KRT76: variants seen among roughly 807,000 people sequenced by gnomAD.
KRT76 encodes the protein keratin 76.
Under a neutral mutation model 44.9 loss-of-function variants are expected in KRT76, and 47 were observed. The ratio of observed to expected loss-of-function variants is 1.05; its 90% confidence interval spans 0.83 to 1.33. The LOEUF (loss-of-function observed/expected upper bound fraction) is 1.33. Ranked by LOEUF, KRT76 falls within the 40% of genes most tolerant of loss-of-function variation. The pLI is 0.00. For missense variants in KRT76, 860 were observed against 775.8 expected (o/e 1.11, Z -1.29); for synonymous variants, 331 against 294.1 (o/e 1.13, Z -1.28).
rs1939192471 is a variant in KRT76, at chr12:52,772,100, C to T, written c.1131G>A (p.Gln377=). ...RSKSEAEALY[Q]TKLGELQTTA... is the part of the protein sequence containing the mutation. ...ACACAGGGAGGGTTCCCACCTTGGT[C>T]TGGTACAGGGCCTCAGCTTCAGACT... is the stretch of plus-strand genomic sequence containing the variant. Residue 377 remains glutamine (Q), a synonymous_variant, in exon 5 of 9, where the codon CAG becomes CAA. Coordinates refer to ENST00000332411, the MANE Select transcript of KRT76 (RefSeq NM_015848.4). 1 of 1,609,450 alleles carries T rather than the reference C, an allele frequency of 6.2e-7. No homozygotes were observed. Among genetic ancestry groups the T allele is most frequent in the Admixed American group, 1.7e-5 (1 of 59,882 alleles).
At position 52,777,032 on chromosome 12, in the gene KRT76, C is replaced by A. The variant is rs1163135177; in HGVS notation, c.260G>T (p.Ser87Ile). The change falls in exon 1 of 9, where the codon AGC (serine) becomes ATC (isoleucine). Residue 87 changes from serine to isoleucine, a missense_variant. By Grantham distance (142) the Ser-to-Ile change is moderately radical. Transcript: ENST00000332411. The stretch of plus-strand genomic sequence containing the variant: ...TCCATAGCCACCTGCAAAGCCACAG[C>A]TGCTCCGCCCTCCCCCAAAGCCTCC... ...RAGGFGGGRS[S>I]CGFAGGYGGG... 6.2e-7 allele frequency: 1 copy of A among 1,613,974 alleles called. No individual in the cohort carries two copies. The highest frequency in any genetic ancestry group is 1.3e-5 in the African/African-American group (1 of 74,942).
intron 7 of KRT76, among the ~76,000 whole-genome samples, chr12:52,770,784 A>G (rs542379793): frequency 1.3e-5 from 2 of 152,124 alleles, no homozygotes; most frequent in Non-Finnish European, 2.9e-5. Context: ...ATCAATAGAG[A>G]TATGTAACAT....
In KRT76 at chr12:52,768,991, T is replaced by A. The variant is rs770625664; in HGVS notation, c.1639A>T (p.Ser547Cys). Residue 547 changes from serine to cysteine, a missense_variant, in exon 9 of 9, where the codon AGT (serine) becomes TGT (cysteine). Coordinates refer to ENST00000332411, the MANE Select transcript of KRT76 (RefSeq NM_015848.4). ...YKGGSSSSSS[S>C]GYGVSGGSGS... is the part of the protein sequence containing the mutation. ...CTGCCGCCACTGACTCCATAGCCACTGCTGCTGCTGCTGCTGCTGCCGCCT... is the reference window on the plus strand; with the variant it reads ...CTGCCGCCACTGACTCCATAGCCACAGCTGCTGCTGCTGCTGCTGCCGCCT... 2 of 595,168 alleles carry A rather than the reference T, an allele frequency of 3.4e-6. No individual in the cohort carries two copies. The highest frequency in any genetic ancestry group is 5.6e-6 in the Non-Finnish European group (2 of 359,564). The allele number at this position is 595,168 out of a possible 1,614,324, so 36.9% of individuals were successfully genotyped here.
intron 2 of KRT76, 104 bp from the exon 3 acceptor site, chr12:52,773,746 C>T: frequency 1.2e-6 from 1 of 863,668 alleles, no homozygotes; most frequent in Middle Eastern, 2.3e-4. Flanking sequence ...ACAGGACGAG[C>T]TTCATGGGCA....
At chr12:52,773,024 A>G in intron 3 of KRT76, 146 bp from the exon 4 acceptor site, 1 of 608,882 alleles carries the variant, frequency 1.6e-6, no homozygotes, top group Non-Finnish European at 2.9e-6. Context: ...TAAAATAAGG[A>G]AGATCAAAAT....
At chr12:52,769,436 G>T in intron 8 of KRT76, 113 bp downstream of exon 8, 1 of 874,918 alleles carries the variant, frequency 1.1e-6, no homozygotes, top group Non-Finnish European at 2.0e-6. Flanking sequence ...GCTGTCAGGT[G>T]GCCTGACTTC....
Position 52,771,009 on chromosome 12 carries a change from C to T in KRT76, c.1474G>A (p.Glu492Lys), listed in dbSNP as rs746645483. ...CCCATGGCCCCTCACCTGCACTCCT[C>T]TCCCTCCAGCAGCTTGCGGTAGGTG... Reference protein sequence around the residue: ...IATYRKLLEGEECRMSGECQS... With the variant: ...IATYRKLLEGKECRMSGECQS... Residue 492 changes from glutamate (E) to lysine (K), a missense_variant, in exon 7 of 9, where the codon GAG becomes AAG. By Grantham distance (56) the Glu-to-Lys change is moderately conservative. Transcript: ENST00000332411. 1.4e-5 allele frequency: 22 copies of T among 1,614,046 alleles called. No individual in the cohort carries two copies. Among genetic ancestry groups the T allele is most frequent in the Admixed American group, 6.7e-5 (4 of 60,002 alleles).
intron 2 of KRT76, among the ~76,000 whole-genome samples, chr12:52,774,116 T>C (rs572381679): frequency 6.6e-6 from 1 of 152,156 alleles, no homozygotes; most frequent in Non-Finnish European, 1.5e-5. Context: ...ACAGGCATGA[T>C]TGAAATTCTT....
At chr12:52,772,584 G>A (rs1194896804) in intron 4 of KRT76, among the ~76,000 whole-genome samples, 199 bp downstream of exon 4, 2 of 152,202 alleles carry the variant, frequency 1.3e-5, no homozygotes, top group Non-Finnish European at 2.9e-5. Flanking sequence ...AGAAGGTGCA[G>A]AGCAAAATGG....
In KRT76 at chr12:52,772,820, G is replaced by T; in HGVS notation, c.935C>A (p.Thr312Lys). Reference protein sequence around the residue: ...VELQAKVDSLTDEVSFLRTLY... With the variant: ...VELQAKVDSLKDEVSFLRTLY... ...GGTCCTCAGGAAGCTGACTTCATCT[G>T]TCAGGCTGTCCACTTTGGCCTGCAG... is the stretch of plus-strand genomic sequence containing the variant. Residue 312 changes from threonine (T) to lysine (K), a missense_variant, in exon 4 of 9, where the codon ACA becomes AAA. Coordinates refer to ENST00000332411, the MANE Select transcript of KRT76 (RefSeq NM_015848.4). 1 of 1,614,088 alleles carries T rather than the reference G, an allele frequency of 6.2e-7. No individual in the cohort carries two copies. Among genetic ancestry groups the T allele is most frequent in the Non-Finnish European group, 8.5e-7 (1 of 1,179,934 alleles).
rs893229914 is a variant in KRT76 at position 52,771,754 on chromosome 12, C to A, written c.1263+117G>T. The A allele has an allele frequency of 1.2e-5, 16 of 1,307,096 alleles. No homozygotes were observed. The East Asian group carries it at 3.5e-4, about 29-fold the overall frequency. 81.0% of individuals were successfully genotyped at this position (1,307,096 alleles called of 1,614,324 possible). Reference sequence around the variant, plus strand: ...CAGAGTTTCCCAGACACTGCGCTATCCCACATGTGACACCATGAAAGGATG... The same window carrying A: ...CAGAGTTTCCCAGACACTGCGCTATACCACATGTGACACCATGAAAGGATG... On this transcript the variant is annotated intron_variant, in intron 6 of 8. Transcript: ENST00000332411.
chr12:52,771,603 T>G (rs373112201), intron 6 of KRT76, among the ~76,000 whole-genome samples: 1 of 152,248 alleles, frequency 6.6e-6, no homozygotes. Flanking sequence ...CAGATCCTGC[T>G]GACATCTGAG....
Position 52,771,916 on chromosome 12 carries a change from C to T in KRT76, c.1218G>A (p.Arg406=). The T allele has an allele frequency of 6.2e-7, 1 of 1,614,224 alleles. No homozygotes were observed. Among genetic ancestry groups the T allele is most frequent in the African/African-American group, 1.3e-5 (1 of 75,064 alleles). ...NTKSEIMELN[R]MIQRLRAEIE... ...TCTCAGCCCGTAGCCTCTGGATCAT[C>T]CTGTTGAGCTCCATGATCTCACTCT... Residue 406 remains arginine, a synonymous_variant, in exon 6 of 9, where the codon AGG becomes AGA. Transcript: ENST00000332411.
rs1468356283 is a variant in KRT76, at chr12:52,771,991, C to A, written c.1143G>T (p.Gly381=). The A allele has an allele frequency of 5.0e-6, 8 of 1,613,630 alleles. No individual in the cohort carries two copies. The highest frequency in any genetic ancestry group is 6.8e-6 in the Non-Finnish European group (8 of 1,179,846). The change falls in exon 6 of 9, where the codon GGG becomes GGT. Residue 381 remains glycine, a synonymous_variant. Transcript: ENST00000332411. Reference sequence around the variant, plus strand: ...GCCTGCCAGCTGTGGTCTGCAGCTCCCCAAGCTGACAGAGGAAAAACCAAT... The same window carrying A: ...GCCTGCCAGCTGTGGTCTGCAGCTCACCAAGCTGACAGAGGAAAAACCAAT... ...EAEALYQTKL[G]ELQTTAGRHG...
rs777762141 is a variant in KRT76, at chr12:52,776,716, G to C, written c.576C>G (p.Asn192Lys). The C allele has an allele frequency of 1.1e-5, 17 of 1,614,010 alleles. No homozygotes were observed. In the Admixed American group the frequency reaches 2.8e-4, roughly 27 times the overall value. The stretch of plus-strand genomic sequence containing the variant: ...CCTTGTCGATGAAGGAGGCAAACTT[G>C]TTGTTGAGGGTCTTGATCTGTTCCC... ...QEREQIKTLN[N>K]KFASFIDKVR... The change falls in exon 1 of 9, where the codon AAC (asparagine) becomes AAG (lysine). Residue 192 changes from asparagine to lysine, a missense_variant. Transcript: ENST00000332411.
rs1344947595 is a variant in KRT76 at position 52,771,075 on chromosome 12, C to T, written c.1408G>A (p.Glu470Lys). The T allele has an allele frequency of 6.2e-7, 1 of 1,614,136 alleles. No homozygotes were observed. The highest frequency in any genetic ancestry group is 1.1e-5 in the South Asian group (1 of 91,078). Residue 470 changes from glutamate (E) to lysine (K), a missense_variant, in exon 7 of 9, where the codon GAG becomes AAG. Physicochemically the swap from Glu to Lys is moderately conservative, Grantham distance 56. Transcript: ENST00000332411. Reference sequence around the variant, plus strand: ...AGGGCCAGCTTGACGTTCATCAGCTCCTGGTAGTCACGCAGGAGCCGAGCC... The same window carrying T: ...AGGGCCAGCTTGACGTTCATCAGCTTCTGGTAGTCACGCAGGAGCCGAGCC... Reference protein sequence around the residue: ...DLARLLRDYQELMNVKLALDV... With the variant: ...DLARLLRDYQKLMNVKLALDV...
At position 52,775,448 on chromosome 12, in the gene KRT76, C is replaced by A; in HGVS notation, c.755G>T (p.Arg252Met). The change falls in exon 2 of 9, where the codon AGG becomes ATG. Residue 252 changes from arginine (R) to methionine (M), a missense_variant. Transcript: ENST00000332411. ...TTTCAGCTCTCCCTCCAGGTTCCCC[C>A]TCTCCCCTAGAAGTGAATCTAGCTG... ...CKQLDSLLGE[R>M]GNLEGELKSM... 6.2e-7 allele frequency: 1 copy of A among 1,614,188 alleles called. No individual in the cohort carries two copies. The highest frequency in any genetic ancestry group is 8.5e-7 in the Non-Finnish European group (1 of 1,180,034).
At chr12:52,773,986 C>A (rs1200602617) in intron 2 of KRT76, among the ~76,000 whole-genome samples, 2 of 152,122 alleles carry the variant, frequency 1.3e-5, no homozygotes, top group South Asian at 2.1e-4. Context: ...CATGCACCAC[C>A]ACGTCCAGCC....
chr12:52,768,577 G>A lies in KRT76; in HGVS notation c.*136C>T. ...GGTCATGGGGATGGAGAAACCAGGA[G>A]TTCAGCTTCTTCTCCAGGGAACTTG... is the stretch of plus-strand genomic sequence containing the variant. On this transcript the variant is annotated 3_prime_UTR_variant, in exon 9 of 9. Transcript: ENST00000332411. 2 of 1,007,650 alleles carry A rather than the reference G, an allele frequency of 2.0e-6. No homozygotes were observed. The highest frequency in any genetic ancestry group is 2.9e-6 in the Non-Finnish European group (2 of 684,742). 62.4% of individuals were successfully genotyped at this position (1,007,650 alleles called of 1,614,324 possible). A position where few individuals can be genotyped will look rare whatever the true frequency, so the allele number is the denominator to read the frequency against.
Sources: gnomAD v4.1 joint callset for allele counts (sites outside exome capture counted in the v4.1 genomes callset) on GRCh38, gnomAD v4.1.1 for gene constraint, MANE v1.5 for transcripts, NCBI Gene and HGNC (gene_info 2026-07-23, HGNC 2026-07-21) for gene names.